DLGAP2: variants seen among roughly 807,000 people sequenced by gnomAD.
DLGAP2 encodes the protein DLG associated protein 2.
Under a neutral mutation model 100.3 loss-of-function variants are expected in DLGAP2, and 26 were observed. The observed-to-expected ratio is 0.26, with a 90% CI of 0.19 to 0.36. The LOEUF is 0.36. Ranked by LOEUF, DLGAP2 falls within the 10% of genes least tolerant of loss-of-function variation. The pLI, the probability that DLGAP2 is intolerant of heterozygous loss-of-function variation, is 1.00. For missense variants in DLGAP2, 1,858 were observed against 1,453.2 expected (o/e 1.28, Z -4.53); for synonymous variants, 886 against 630.1 (o/e 1.41, Z -6.08).
At chr8:1,450,028 A>T (rs759210740) in intron 3 of DLGAP2, among the ~76,000 whole-genome samples, 4 of 110 alleles carry the variant, frequency 0.036, 2 homozygotes, top group Non-Finnish European at 0.069. Flanking sequence ...TCGGTGGCTG[A>T]GGCGGACGTG....
At chr8:1,163,450 C>A (rs1373311136) in intron 2 of DLGAP2, among the ~76,000 whole-genome samples, 1 of 152,334 alleles carries the variant, frequency 6.6e-6, no homozygotes, top group African/African-American at 2.4e-5. Context: ...TGGGACCCTT[C>A]CCTGCAGGAA....
At chr8:1,018,078 G>T (rs976355898) in intron 2 of DLGAP2, among the ~76,000 whole-genome samples, 1 of 148,712 alleles carries the variant, frequency 6.7e-6, no homozygotes, top group Non-Finnish European at 1.5e-5. Flanking sequence ...GCCCTGCTCA[G>T]TCAGCTGCAT....
chr8:1,096,304 T>G (rs1214178745), intron 2 of DLGAP2, among the ~76,000 whole-genome samples: 1 of 152,208 alleles, frequency 6.6e-6, no homozygotes, highest in East Asian at 1.9e-4. Context: ...CCAAGGAAAC[T>G]TGGATGCAGG....
chr8:1,543,640 G>T (rs1211890923), intron 4 of DLGAP2, among the ~76,000 whole-genome samples: 2 of 152,116 alleles, frequency 1.3e-5, no homozygotes, highest in African/African-American at 4.8e-5. Flanking sequence ...TCTCTTTCAA[G>T]ATTGTTTTTG....
chr8:1,350,017 T>C, intron 3 of DLGAP2, among the ~76,000 whole-genome samples: 1 of 152,172 alleles, frequency 6.6e-6, no homozygotes, highest in South Asian at 2.1e-4. Flanking sequence ...TTACAACTAA[T>C]ATAAAGGGGA....
intron 2 of DLGAP2, among the ~76,000 whole-genome samples, chr8:1,162,355 A>G (rs901526058): frequency 6.6e-6 from 1 of 152,234 alleles, no homozygotes; most frequent in Non-Finnish European, 1.5e-5. Context: ...TGGCTGAAAC[A>G]ACACACACTG....
intron 3 of DLGAP2, among the ~76,000 whole-genome samples, chr8:1,469,820 C>T (rs1028677479): frequency 6.6e-6 from 1 of 152,060 alleles, no homozygotes; most frequent in Non-Finnish European, 1.5e-5. Flanking sequence ...GTATGACCCT[C>T]GATTATTTCT....
At chr8:897,076 G>T (rs563431952) in intron 1 of DLGAP2, among the ~76,000 whole-genome samples, 3 of 152,244 alleles carry the variant, frequency 2.0e-5, no homozygotes, top group Non-Finnish European at 4.4e-5. Flanking sequence ...TCACTGGTGT[G>T]GAATCGGAGC....
At chr8:1,095,125 TC>T (rs1397490728) in intron 2 of DLGAP2, among the ~76,000 whole-genome samples, 1 of 152,024 alleles carries the variant, frequency 6.6e-6, no homozygotes, top group Non-Finnish European at 1.5e-5. Flanking sequence ...TGGACCACCT[TC>T]CCAGGGTGGA....
intron 1 of DLGAP2, among the ~76,000 whole-genome samples, chr8:890,615 A>C (rs559820800): frequency 1.3e-5 from 2 of 150,142 alleles, no homozygotes; most frequent in East Asian, 4.0e-4. Context: ...CGCTTTCTTG[A>C]TTCTACCCCA....
intron 2 of DLGAP2, among the ~76,000 whole-genome samples, chr8:1,046,387 T>C (rs1314045423): frequency 6.6e-6 from 1 of 152,212 alleles, no homozygotes; most frequent in Non-Finnish European, 1.5e-5. Context: ...CTTCATGATC[T>C]AAATTCCCCC....
intron 3 of DLGAP2, among the ~76,000 whole-genome samples, chr8:1,322,582 A>G (rs1226755911): frequency 6.6e-6 from 1 of 150,880 alleles, no homozygotes; most frequent in African/African-American, 2.4e-5. Context: ...GTATTGTTCC[A>G]TGGAAATGTG....
rs375440187 is a variant in DLGAP2 at position 796,237 on chromosome 8, C to T, written c.18+58412C>T. 1.3e-4 allele frequency among the ~76,000 whole-genome samples: 20 copies of T among 152,292 alleles called. No homozygotes were observed. In the South Asian group the frequency reaches 1.9e-3, roughly 14 times the overall value. On this transcript the variant is annotated intron_variant, in intron 1 of 14. Transcript: ENST00000637795. ...AGAGTTTAGCAAGCAGGTGAATTCA[C>T]GACCGGGCTCCCCGGTGATGAGCTG...
intron 1 of DLGAP2, among the ~76,000 whole-genome samples, chr8:821,780 A>G (rs1796587598): frequency 6.6e-6 from 1 of 152,210 alleles, no homozygotes; most frequent in African/African-American, 2.4e-5. Flanking sequence ...CTTTGGTTCA[A>G]TATTTCAAAA....
intron 2 of DLGAP2, among the ~76,000 whole-genome samples, chr8:945,940 G>A (rs1054485799): frequency 5.9e-5 from 9 of 152,152 alleles, no homozygotes; most frequent in Middle Eastern, 3.4e-3. Flanking sequence ...GGAAAGTAAC[G>A]AGACTGATCT....
chr8:1,245,863 G>A (rs894124793), intron 2 of DLGAP2, among the ~76,000 whole-genome samples: 9 of 152,190 alleles, frequency 5.9e-5, no homozygotes, highest in East Asian at 1.9e-4. Context: ...CGAGGTACAC[G>A]GGACCCTGGT....
intron 3 of DLGAP2, among the ~76,000 whole-genome samples, chr8:1,298,459 G>T: frequency 6.6e-6 from 1 of 152,168 alleles, no homozygotes; most frequent in East Asian, 1.9e-4. Context: ...GTATAAATAC[G>T]GTTTCATGGG....
At chr8:854,992 C>T (rs1797250106) in intron 1 of DLGAP2, among the ~76,000 whole-genome samples, 1 of 152,134 alleles carries the variant, frequency 6.6e-6, no homozygotes, top group South Asian at 2.1e-4. Context: ...AGAAAGAGGT[C>T]AAAACAGAGG....
At chr8:832,702 T>A (rs562338457) in intron 1 of DLGAP2, among the ~76,000 whole-genome samples, 2 of 152,192 alleles carry the variant, frequency 1.3e-5, no homozygotes. Flanking sequence ...CTTTTCAGAG[T>A]GCCTGTGGAG....
Sources: allele counts gnomAD v4.1 joint callset (sites outside exome capture counted in the v4.1 genomes callset), GRCh38; gene constraint gnomAD v4.1.1; transcripts MANE v1.5; gene names NCBI Gene and HGNC (gene_info 2026-07-23, HGNC 2026-07-21).